The following FSTL4 variants were observed in gnomAD, a reference collection of about 807,000 sequenced individuals.
FSTL4 encodes the protein follistatin-related protein 4.
FSTL4 carries 28 observed loss-of-function variants against 78.2 expected under a neutral mutation model. That is an observed-to-expected ratio of 0.36 (90% CI 0.27 to 0.49). The LOEUF is 0.49. Among genes scored for constraint, FSTL4 ranks in the 20% least tolerant of loss-of-function variants. FSTL4 has a pLI of 0.98. For missense variants in FSTL4, 922 were observed against 1,084.9 expected (o/e 0.85, Z 2.11); for synonymous variants, 422 against 440.5 (o/e 0.96, Z 0.53).
At chr5:133,705,134 C>G in the FSTL4 span, among the ~76,000 whole-genome samples, 1 of 152,156 alleles carries the variant, frequency 6.6e-6, no homozygotes, top group South Asian at 2.1e-4. Context: ...AATCTCGGCT[C>G]ACTACAACCT....
At chr5:133,713,636 G>T in the FSTL4 span, among the ~76,000 whole-genome samples, 1 of 152,108 alleles carries the variant, frequency 6.6e-6, no homozygotes, top group Non-Finnish European at 1.5e-5. Context: ...CCCTGTTTGG[G>T]CCAGTCCAAC....
upstream of FSTL4, among the ~76,000 whole-genome samples, chr5:133,614,295 A>C (rs746204843): frequency 9.2e-5 from 14 of 152,234 alleles, no homozygotes; most frequent in Non-Finnish European, 1.6e-4. Context: ...ATCAGGGTCT[A>C]TAGGTTGACC....
At chr5:133,501,185 C>G (rs1347162554) in intron 3 of FSTL4, among the ~76,000 whole-genome samples, 1 of 151,596 alleles carries the variant, frequency 6.6e-6, no homozygotes, top group Non-Finnish European at 1.5e-5. Context: ...GTACAGCAGA[C>G]GGCTGGGGAA....
rs556287302 is a variant in FSTL4, at chr5:133,600,648, C to A, written c.126+3210G>T. Among the ~76,000 whole-genome samples, 13 of 152,314 alleles carry A rather than the reference C, an allele frequency of 8.5e-5. No homozygotes were observed. In the South Asian group the frequency reaches 2.7e-3, roughly 32 times the overall value. On this transcript the variant is annotated intron_variant, in intron 2 of 15. Coordinates refer to ENST00000265342, the MANE Select transcript of FSTL4 (RefSeq NM_015082.2). Reference sequence around the variant, plus strand: ...CTTTGTACATAAAACAATAATTTAACACTTGCTATAATTGCTTTAAAAATA... The same window carrying A: ...CTTTGTACATAAAACAATAATTTAAAACTTGCTATAATTGCTTTAAAAATA...
intron 4 of FSTL4, among the ~76,000 whole-genome samples, chr5:133,350,684 T>G (rs1289114896): frequency 6.6e-6 from 1 of 152,232 alleles, no homozygotes; most frequent in Non-Finnish European, 1.5e-5. Context: ...GCTGGCATAG[T>G]GTCCTCCATT....
chr5:133,623,607 T>C, the FSTL4 span, among the ~76,000 whole-genome samples: 1 of 152,040 alleles, frequency 6.6e-6, no homozygotes, highest in Non-Finnish European at 1.5e-5. Flanking sequence ...TCCTTAGATA[T>C]AACACAAAAA....
At chr5:133,322,269 C>A (rs13186980) in intron 4 of FSTL4, among the ~76,000 whole-genome samples, 2 of 41,852 alleles carry the variant, frequency 4.8e-5, no homozygotes, top group South Asian at 1.0e-3. Flanking sequence ...CCACCCACAC[C>A]CACACACCCA....
At chr5:133,334,446 G>A (rs1754420111) in intron 4 of FSTL4, among the ~76,000 whole-genome samples, 1 of 152,126 alleles carries the variant, frequency 6.6e-6, no homozygotes, top group Admixed American at 6.5e-5. Context: ...CCTGAGTAGT[G>A]GGTATGCTTG....
the FSTL4 span, among the ~76,000 whole-genome samples, chr5:133,750,755 G>A: frequency 1.8e-4 from 27 of 152,220 alleles, no homozygotes; most frequent in African/African-American, 6.3e-4. Flanking sequence ...CCGGGCACAG[G>A]GTGGGCCTCA....
the FSTL4 span, among the ~76,000 whole-genome samples, chr5:133,795,183 C>CCCAG: frequency 6.6e-6 from 1 of 152,130 alleles, no homozygotes; most frequent in African/African-American, 2.4e-5. Context: ...TTTATTTGGC[C>CCCAG]GTGAAGCTGA....
rs553573984 is a variant in FSTL4, at chr5:133,309,564, A to C, written c.727+3090T>G. On this transcript the variant is annotated intron_variant, in intron 6 of 15. Coordinates refer to ENST00000265342, the MANE Select transcript of FSTL4 (RefSeq NM_015082.2). The stretch of plus-strand genomic sequence containing the variant: ...CCCATCACGAACCAGCTCAGCACAG[A>C]CATCCACCAGCTGTGGGACTCCTAG... Among the ~76,000 whole-genome samples, 189 of 152,246 alleles carry C rather than the reference A, an allele frequency of 1.2e-3. No homozygotes were observed. The South Asian group carries it at 0.018, about 15-fold the overall frequency.
At chr5:133,625,156 C>T in the FSTL4 span, among the ~76,000 whole-genome samples, 4 of 151,550 alleles carry the variant, frequency 2.6e-5, no homozygotes, top group Admixed American at 6.6e-5. Flanking sequence ...GAGACATATT[C>T]CTTCCTCCTC....
At chr5:133,320,948 A>C (rs1235790990) in intron 4 of FSTL4, among the ~76,000 whole-genome samples, 3 of 146,440 alleles carry the variant, frequency 2.0e-5, no homozygotes, top group Non-Finnish European at 3.0e-5. Flanking sequence ...CACAGCTTGC[A>C]GTGAGCCGAG....
At chr5:133,840,339 G>C in the FSTL4 span, among the ~76,000 whole-genome samples, 7 of 152,238 alleles carry the variant, frequency 4.6e-5, no homozygotes, top group Non-Finnish European at 1.0e-4. Context: ...TTCAGATTGT[G>C]TAAGGAGAGA....
intron 3 of FSTL4, among the ~76,000 whole-genome samples, chr5:133,421,558 G>A (rs745424619): frequency 6.6e-6 from 1 of 152,234 alleles, no homozygotes; most frequent in Non-Finnish European, 1.5e-5. Context: ...TGCATTCCAC[G>A]GGGTGGCCAT....
At chr5:133,479,899 T>C (rs1385454666) in intron 3 of FSTL4, among the ~76,000 whole-genome samples, 2 of 149,046 alleles carry the variant, frequency 1.3e-5, no homozygotes, top group Non-Finnish European at 3.0e-5. Flanking sequence ...CCATGAGTTT[T>C]TGAGTTTTTT....
chr5:133,310,311 T>C (rs1561666259), intron 6 of FSTL4, among the ~76,000 whole-genome samples: 1 of 152,272 alleles, frequency 6.6e-6, no homozygotes, highest in Non-Finnish European at 1.5e-5. Context: ...TTAAAAATGA[T>C]GATTATAAAG....
chr5:133,752,124 C>T, the FSTL4 span, among the ~76,000 whole-genome samples: 27,517 of 152,170 alleles, frequency 0.18, 2,743 homozygotes, highest in Admixed American at 0.22. Flanking sequence ...CCTAGACAGG[C>T]GAAGGGATTG....
the FSTL4 span, among the ~76,000 whole-genome samples, chr5:133,791,580 CTGA>C: frequency 6.6e-6 from 1 of 152,212 alleles, no homozygotes; most frequent in Non-Finnish European, 1.5e-5. Flanking sequence ...CAAATACCTG[CTGA>C]GCATCTTCCA....
Sources: allele counts gnomAD v4.1 joint callset (sites outside exome capture counted in the v4.1 genomes callset), GRCh38; gene constraint gnomAD v4.1.1; transcripts MANE v1.5; gene names NCBI Gene and HGNC (gene_info 2026-07-23, HGNC 2026-07-21).